Variants in RGS4 observed in about 807,000 individuals in gnomAD.
RGS4 encodes schizophrenia disorder 9.
Under a neutral mutation model 21.6 loss-of-function variants are expected in RGS4, and 15 were observed. That is an observed-to-expected ratio of 0.69 (90% CI 0.46 to 1.07). The LOEUF is 1.07. Among genes scored for constraint, RGS4 ranks in the 50% least tolerant of loss-of-function variants. The probability of loss-of-function intolerance (pLI) is 0.00; values close to 1 mark genes in which losing one functional copy is unlikely to be tolerated. For missense variants in RGS4, 237 were observed against 239.0 expected (o/e 0.99, Z 0.06); for synonymous variants, 94 against 85.5 (o/e 1.10, Z -0.55).
intron 1 of RGS4, among the ~76,000 whole-genome samples, chr1:163,071,104 T>C (rs1247516415): frequency 1.3e-5 from 2 of 152,158 alleles, no homozygotes; most frequent in Admixed American, 6.5e-5. Context: ...TATGAATTCG[T>C]TTCTATTTGG....
intron 1 of RGS4, 54 bp downstream of exon 1, chr1:163,069,582 G>A (rs1205646685): frequency 6.9e-7 from 1 of 1,451,874 alleles, no homozygotes; most frequent in African/African-American, 1.4e-5. Context: ...GACTTTCTCA[G>A]TTATTTACAT....
intron 1 of RGS4, chr1:163,071,985 T>C (rs886552395): frequency 5.1e-6 from 5 of 986,634 alleles, no homozygotes; most frequent in Non-Finnish European, 6.0e-6. Flanking sequence ...GAAGGTGGCG[T>C]GCAGCAAGGA....
rs150115659 is a variant in RGS4, at chr1:163,075,894, G to A, written c.*1334G>A. On this transcript the variant is annotated 3_prime_UTR_variant, in exon 5 of 5. Transcript: ENST00000367909. ...TCTTGTTAATTTCATTCCAAACATCGGGGCTAACAGAGACTGGAGGCATTT... is the reference window on the plus strand; with the variant it reads ...TCTTGTTAATTTCATTCCAAACATCAGGGCTAACAGAGACTGGAGGCATTT... The A allele has an allele frequency of 1.9e-3, 294 of 152,378 alleles. 3 individuals are homozygous for A. Among genetic ancestry groups the A allele is most frequent in the Non-Finnish European group, 2.3e-3 (154 of 67,968 alleles). 9.4% of individuals were successfully genotyped at this position (152,378 alleles called of 1,614,324 possible).
chr1:163,072,931 A>T, intron 3 of RGS4, 65 bp downstream of exon 3: 1 of 1,370,848 alleles, frequency 7.3e-7, no homozygotes, highest in Non-Finnish European at 1.0e-6. Flanking sequence ...TGCTGGTCTA[A>T]TAGAAACTGC....
intron 3 of RGS4, 45 bp from the exon 4 acceptor site, chr1:163,073,410 GC>G (rs1165909324): frequency 6.8e-7 from 1 of 1,477,102 alleles, no homozygotes; most frequent in Non-Finnish European, 9.0e-7. Context: ...TATCCAAGAG[GC>G]CAACCAGTGT....
In RGS4 at chr1:163,074,891, G is replaced by A. The variant is rs1470578577; in HGVS notation, c.*331G>A. On this transcript the variant is annotated 3_prime_UTR_variant, in exon 5 of 5. Coordinates refer to ENST00000367909, the MANE Select transcript of RGS4 (RefSeq NM_005613.6). ...CTCCCAACAGTTTTACCTCGGGATGGTTGGTTAGTGCATGTCACATGACAT... is the reference window on the plus strand; with the variant it reads ...CTCCCAACAGTTTTACCTCGGGATGATTGGTTAGTGCATGTCACATGACAT... 1.7e-6 allele frequency: 1 copy of A among 591,268 alleles called. No individual in the cohort carries two copies. The highest frequency in any genetic ancestry group is 1.9e-5 in the African/African-American group (1 of 53,542). The allele number at this position is 591,268 out of a possible 1,614,324, so 36.6% of individuals were successfully genotyped here. A position where few individuals can be genotyped will look rare whatever the true frequency, so the allele number is the denominator to read the frequency against.
intron 3 of RGS4, 51 bp downstream of exon 3, chr1:163,072,917 A>G (rs1170171911): frequency 6.7e-7 from 1 of 1,482,898 alleles, no homozygotes; most frequent in East Asian, 2.3e-5. Context: ...GACAAGTTAT[A>G]TTATGCTGGT....
At chr1:163,071,571 T>C (rs1655302785) in intron 1 of RGS4, among the ~76,000 whole-genome samples, 2 of 150,778 alleles carry the variant, frequency 1.3e-5, no homozygotes, top group Admixed American at 1.4e-4. Context: ...TAATGTGCCC[T>C]GGCTACCTAT....
At chr1:163,070,555 A>G (rs993167771) in intron 1 of RGS4, 2 of 152,176 alleles carry the variant, frequency 1.3e-5, no homozygotes, top group Admixed American at 6.6e-5. Context: ...CTTCTTTAAA[A>G]TGAAGCAGGA....
In RGS4 at chr1:163,072,233, G is replaced by C. The variant is rs1250595613; in HGVS notation, c.45-162G>C. On this transcript the variant is annotated intron_variant, in intron 1 of 4. Transcript: ENST00000367909. The stretch of plus-strand genomic sequence containing the variant: ...TTTGTAGCAAGTCATAGGGAACCAA[G>C]AGGAATCTTGTTTTCCTCAGAGGTC... The C allele has an allele frequency of 2.0e-5, 11 of 550,120 alleles. No individual in the cohort carries two copies. The South Asian group carries it at 3.6e-4, about 18-fold the overall frequency. The allele number at this position is 550,120 out of a possible 1,614,324, so 34.1% of individuals were successfully genotyped here.
intron 3 of RGS4, 31 bp from the exon 4 acceptor site, chr1:163,073,425 G>T: frequency 1.3e-6 from 2 of 1,515,256 alleles, no homozygotes; most frequent in South Asian, 2.8e-5. Flanking sequence ...CCAGTGTGAT[G>T]ACAACTGTGG....
chr1:163,072,472 A>G lies in RGS4; in HGVS notation c.122A>G (p.Lys41Arg). 6.2e-7 allele frequency: 1 copy of G among 1,612,894 alleles called. No homozygotes were observed. ...TGTGAACACAATTCTTCCCACAACAAGAAGGACAAAGTGGTTATTTGCCAG... is the reference window on the plus strand; with the variant it reads ...TGTGAACACAATTCTTCCCACAACAGGAAGGACAAAGTGGTTATTTGCCAG... The part of the protein sequence containing the change: ...DSCEHNSSHN[K>R]KDKVVICQRV... The change falls in exon 2 of 5, where the codon AAG becomes AGG. Residue 41 changes from lysine (K) to arginine (R), a missense_variant. Lys to Arg is a conservative substitution (Grantham distance 26). Coordinates refer to ENST00000367909, the MANE Select transcript of RGS4 (RefSeq NM_005613.6).
intron 3 of RGS4, among the ~76,000 whole-genome samples, chr1:163,073,069 T>C (rs927413560): frequency 1.4e-4 from 21 of 152,170 alleles, no homozygotes; most frequent in African/African-American, 5.1e-4. Flanking sequence ...GCAGGAACCA[T>C]GTGGAAAACC....
Position 163,074,378 on chromosome 1 carries a change from A to G in RGS4, c.436A>G (p.Ile146Val). Residue 146 changes from isoleucine (I) to valine (V), a missense_variant, in exon 5 of 5, where the codon ATA (isoleucine) becomes GTA (valine). Ile to Val is a conservative substitution (Grantham distance 29, BLOSUM62 3). Coordinates refer to ENST00000367909, the MANE Select transcript of RGS4 (RefSeq NM_005613.6). ...ETSRNMLEPT[I>V]TCFDEAQKKI... ...AAGCCGGAACATGCTAGAGCCTACAATAACCTGCTTTGATGAGGCCCAGAA... is the reference window on the plus strand; with the variant it reads ...AAGCCGGAACATGCTAGAGCCTACAGTAACCTGCTTTGATGAGGCCCAGAA... 2.5e-6 allele frequency: 4 copies of G among 1,613,876 alleles called. No homozygotes were observed. The highest frequency in any genetic ancestry group is 3.4e-6 in the Non-Finnish European group (4 of 1,179,836).
At chr1:163,071,855 G>GCCC (rs763643387) in intron 1 of RGS4, 99 of 1,822 alleles carry the variant, frequency 0.054, 3 homozygotes, top group African/African-American at 0.15. Flanking sequence ...GGAACTGCTT[G>GCCC]CCCCCCCCCC....
intron 1 of RGS4, among the ~76,000 whole-genome samples, chr1:163,069,806 G>C (rs562195742): frequency 2.0e-5 from 3 of 152,092 alleles, no homozygotes; most frequent in African/African-American, 7.2e-5. Context: ...ATTAAGAAGC[G>C]AGATGAGGTT....
rs1039608419 is a variant in RGS4 at position 163,074,930 on chromosome 1, T to C, written c.*370T>C. On this transcript the variant is annotated 3_prime_UTR_variant, in exon 5 of 5. Coordinates refer to ENST00000367909, the MANE Select transcript of RGS4 (RefSeq NM_005613.6). ...GTCACATGACATCCACATGCACATG[T>C]ATTCTGTTGGCCAGCACGTTCTCCA... 1.8e-6 allele frequency: 1 copy of C among 557,744 alleles called. No homozygotes were observed. The highest frequency in any genetic ancestry group is 1.9e-5 in the African/African-American group (1 of 53,080). The allele number at this position is 557,744 out of a possible 1,614,324, so 34.5% of individuals were successfully genotyped here.
upstream of RGS4, chr1:163,068,965 A>G (rs1463486798): frequency 1.2e-6 from 2 of 1,608,086 alleles, no homozygotes; most frequent in Non-Finnish European, 1.7e-6. Context: ...AATCCAAAAG[A>G]GGAAAGGCAT....
intron 1 of RGS4, 91 bp downstream of exon 1, chr1:163,069,619 C>A: frequency 2.9e-6 from 3 of 1,040,256 alleles, no homozygotes; most frequent in Non-Finnish European, 4.3e-6. Context: ...TAGTTCTGTG[C>A]AATTAGAAAC....
Sources: allele counts gnomAD v4.1 joint callset (sites outside exome capture counted in the v4.1 genomes callset), GRCh38; gene constraint gnomAD v4.1.1; transcripts MANE v1.5; gene names NCBI Gene and HGNC (gene_info 2026-07-23, HGNC 2026-07-21).